The following CAMK1D variants were observed in gnomAD, a reference collection of about 807,000 sequenced individuals.
CAMK1D encodes the protein calcium/calmodulin dependent protein kinase ID.
A neutral mutation model predicts 47.7 loss-of-function variants in CAMK1D; 9 were observed. The ratio of observed to expected loss-of-function variants is 0.19; its 90% CI spans 0.11 to 0.33. The LOEUF is 0.33. Among genes scored for constraint, CAMK1D ranks in the 10% least tolerant of loss-of-function variants. CAMK1D has a pLI of 1.00. For missense variants in CAMK1D, 291 were observed against 488.7 expected (o/e 0.60, Z 3.81); for synonymous variants, 184 against 184.9 (o/e 0.99, Z 0.04).
At chr10:12,576,752 T>C (rs1167977830) in intron 2 of CAMK1D, among the ~76,000 whole-genome samples, 2 of 152,216 alleles carry the variant, frequency 1.3e-5, no homozygotes, top group African/African-American at 4.8e-5. Flanking sequence ...ACCACTCACC[T>C]TCCTGGTGTG....
chr10:12,650,911 C>G (rs1187380961), intron 2 of CAMK1D, among the ~76,000 whole-genome samples: 1 of 152,186 alleles, frequency 6.6e-6, no homozygotes, highest in Non-Finnish European at 1.5e-5. Flanking sequence ...TCGCCCCACA[C>G]CCTTACTGCA....
chr10:12,636,802 T>C (rs574639807), intron 2 of CAMK1D, among the ~76,000 whole-genome samples: 2 of 152,298 alleles, frequency 1.3e-5, no homozygotes, highest in Non-Finnish European at 2.9e-5. Context: ...TCTGGCATCT[T>C]GCCTTCTGTC....
At chr10:12,712,998 G>GA (rs1247058398) in intron 3 of CAMK1D, among the ~76,000 whole-genome samples, 1 of 152,156 alleles carries the variant, frequency 6.6e-6, no homozygotes, top group Non-Finnish European at 1.5e-5. Context: ...CTTCTCCATG[G>GA]AAAAGATGGT....
At chr10:12,811,517 C>T (rs1243916890) in intron 6 of CAMK1D, among the ~76,000 whole-genome samples, 1 of 152,196 alleles carries the variant, frequency 6.6e-6, no homozygotes, top group East Asian at 1.9e-4. Flanking sequence ...GCTCCAAGCT[C>T]AATCCATGTC....
rs1168432656 is a variant in CAMK1D at position 12,554,270 on chromosome 10, G to A, written c.224+914G>A. 5.3e-5 allele frequency among the ~76,000 whole-genome samples: 4 copies of A among 75,164 alleles called. 1 individual carries two copies. The highest frequency in any genetic ancestry group is 7.9e-4 in the East Asian group (2 of 2,542). The allele number at this position is 75,164 out of a possible 152,430, so 49.3% of individuals were successfully genotyped here. On this transcript the variant is annotated intron_variant, in intron 2 of 10. Transcript: ENST00000619168. ...CCTCCTGGCTTCAAGCGATTCTCCC[G>A]CCTCAGCCTCCCGAAGCTGGGATTA...
At chr10:12,594,388 G>A (rs991974564) in intron 2 of CAMK1D, among the ~76,000 whole-genome samples, 2 of 152,232 alleles carry the variant, frequency 1.3e-5, no homozygotes, top group South Asian at 4.1e-4. Context: ...CTATAGGTGT[G>A]ATCCTTGTTT....
chr10:12,394,322 C>T (rs948625202), intron 1 of CAMK1D, among the ~76,000 whole-genome samples: 1 of 152,110 alleles, frequency 6.6e-6, no homozygotes, highest in African/African-American at 2.4e-5. Context: ...CAGACCTCTC[C>T]AATTAGGGTT....
chr10:12,746,363 C>CAAAAAAAAAAAAAAAAA (rs542434085), intron 3 of CAMK1D, among the ~76,000 whole-genome samples: 87 of 86,590 alleles, frequency 1.0e-3, no homozygotes, highest in African/African-American at 2.2e-3. Context: ...GACTCCGTCT[C>CAAAAAAAAAAAAAAAAA]AAAAAAAAAA....
chr10:12,404,195 G>A (rs971989434), intron 1 of CAMK1D, among the ~76,000 whole-genome samples: 4 of 152,006 alleles, frequency 2.6e-5, no homozygotes, highest in South Asian at 2.1e-4. Context: ...ACAGGTGTCC[G>A]CCACCGCGCC....
chr10:12,532,355 C>T (rs1835833241), intron 1 of CAMK1D, among the ~76,000 whole-genome samples: 1 of 151,158 alleles, frequency 6.6e-6, no homozygotes. Flanking sequence ...TCTCGGCTCA[C>T]TGCAAGCTCC....
rs183670417 is a variant in CAMK1D, at chr10:12,618,343, C to T, written c.225-48393C>T. Among the ~76,000 whole-genome samples, 46 of 152,228 alleles carry T rather than the reference C, an allele frequency of 3.0e-4. No individual in the cohort carries two copies. The East Asian group carries it at 6.9e-3, about 23-fold the overall frequency. On this transcript the variant is annotated intron_variant, in intron 2 of 10. Transcript: ENST00000619168. ...TTCAATAGATTTCATTCTGTTGCTT[C>T]GCACTTTCAATGCATGCTCTTTCTA...
intron 2 of CAMK1D, among the ~76,000 whole-genome samples, chr10:12,589,378 G>A (rs1837929606): frequency 6.6e-6 from 1 of 152,174 alleles, no homozygotes; most frequent in Non-Finnish European, 1.5e-5. Context: ...GAATGGTTTG[G>A]TGTCTAAAAG....
At chr10:12,537,423 A>G (rs1836011151) in intron 1 of CAMK1D, among the ~76,000 whole-genome samples, 2 of 152,226 alleles carry the variant, frequency 1.3e-5, no homozygotes, top group Non-Finnish European at 2.9e-5. Flanking sequence ...TTTAACAGGT[A>G]TAGCCAGATT....
chr10:12,764,388 A>AAAAAAAAC (rs1554822774), intron 4 of CAMK1D, among the ~76,000 whole-genome samples: 2 of 151,312 alleles, frequency 1.3e-5, no homozygotes, highest in African/African-American at 2.4e-5. Flanking sequence ...TCTCAAAAAA[A>AAAAAAAAC]AAAAAAAAAA....
chr10:12,753,267 G>A (rs1379188799), intron 3 of CAMK1D, among the ~76,000 whole-genome samples: 1 of 152,166 alleles, frequency 6.6e-6, no homozygotes, highest in Non-Finnish European at 1.5e-5. Context: ...AGGCCAATAT[G>A]TGACCATCAA....
chr10:12,821,314 G>A (rs1009540578), intron 8 of CAMK1D, among the ~76,000 whole-genome samples: 2 of 152,180 alleles, frequency 1.3e-5, no homozygotes, highest in Non-Finnish European at 2.9e-5. Flanking sequence ...CTAGTATTTG[G>A]CCAAATATCT....
In CAMK1D at chr10:12,694,273, T is replaced by TACATAATAAA. The variant is rs1491219512; in HGVS notation, c.299+27463_299+27464insACATAATAAA. ...TATTATGTATAATATATAATATATA[T>TACATAATAAA]TATACATAATATAAAATATATATTA... is the stretch of plus-strand genomic sequence containing the variant. On this transcript the variant is annotated intron_variant, in intron 3 of 10. Transcript: ENST00000619168. Among the ~76,000 whole-genome samples, 2 of 76,384 alleles carry TACATAATAAA rather than the reference T, an allele frequency of 2.6e-5. 1 individual carries two copies. Among genetic ancestry groups the TACATAATAAA allele is most frequent in the East Asian group, 8.9e-4 (2 of 2,258 alleles). 50.1% of individuals were successfully genotyped at this position (76,384 alleles called of 152,430 possible).
chr10:12,408,893 G>T (rs567540220), intron 1 of CAMK1D, among the ~76,000 whole-genome samples: 5 of 128,226 alleles, frequency 3.9e-5, no homozygotes, highest in African/African-American at 1.5e-4. Flanking sequence ...TCTTTCTGTC[G>T]CCCAGGCTGG....
chr10:12,490,696 T>G (rs890157629), intron 1 of CAMK1D, among the ~76,000 whole-genome samples: 2 of 152,026 alleles, frequency 1.3e-5, no homozygotes, highest in African/African-American at 4.8e-5. Flanking sequence ...AATACAAAAA[T>G]TAGCCAGGTG....
Sources: gnomAD v4.1 joint callset for allele counts (sites outside exome capture counted in the v4.1 genomes callset) on GRCh38, gnomAD v4.1.1 for gene constraint, MANE v1.5 for transcripts, NCBI Gene and HGNC (gene_info 2026-07-23, HGNC 2026-07-21) for gene names.